The following TMCC3 variants were observed in gnomAD, a reference collection of about 807,000 sequenced individuals.
TMCC3 encodes transmembrane and coiled-coil domain family 3.
In TMCC3, 28 loss-of-function variants were observed where a neutral mutation model predicts 40.2. The observed-to-expected ratio is 0.70, with a 90% CI of 0.52 to 0.95. The LOEUF (loss-of-function observed/expected upper bound fraction) is 0.95, where lower values mean the gene tolerates loss of function less well. Among genes scored for constraint, TMCC3 ranks in the 40% least tolerant of loss-of-function variants. TMCC3 has a pLI of 0.00. For synonymous variants in TMCC3, 255 were observed against 248.5 expected, an observed-to-expected ratio of 1.03 and a Z score of -0.25; for missense variants, 554 against 615.2, an observed-to-expected ratio of 0.90 and a Z score of 1.05.
chr12:94,632,271 T>A (rs778673278), intron 1 of TMCC3, among the ~76,000 whole-genome samples: 6 of 152,214 alleles, frequency 3.9e-5, no homozygotes, highest in Non-Finnish European at 7.3e-5. Context: ...GACTGTGCAC[T>A]TAAAGCAGGA....
chr12:94,648,516 C>A (rs1002181084), intron 1 of TMCC3, among the ~76,000 whole-genome samples: 2 of 152,170 alleles, frequency 1.3e-5, no homozygotes, highest in Non-Finnish European at 2.9e-5. Context: ...TGAGCCACCG[C>A]CCCCGGCCCG....
chr12:94,578,592 T>G (rs972136565), intron 2 of TMCC3, 63 bp from the exon 3 acceptor site: 2 of 1,540,676 alleles, frequency 1.3e-6, no homozygotes, highest in Non-Finnish European at 1.8e-6. Context: ...AACGATGTCC[T>G]TTTTATCTTC....
At chr12:94,634,918 C>G (rs187172130) in intron 1 of TMCC3, among the ~76,000 whole-genome samples, 208 of 152,320 alleles carry the variant, frequency 1.4e-3, no homozygotes, top group African/African-American at 4.9e-3. Context: ...AATGAAAGCA[C>G]ATGTAAATAG....
At chr12:94,610,126 C>A (rs1430640593) in intron 1 of TMCC3, 1 of 152,072 alleles carries the variant, frequency 6.6e-6, no homozygotes, top group Non-Finnish European at 1.5e-5. Context: ...TATTATGCAA[C>A]GACCTACTCT....
rs552429689 is a variant in TMCC3, at chr12:94,616,131, C to T, written c.79-33593G>A. 9.2e-6 allele frequency: 9 copies of T among 982,428 alleles called. No individual in the cohort carries two copies. In the East Asian group the frequency reaches 4.5e-4, roughly 50 times the overall value. The allele number at this position is 982,428 out of a possible 1,614,324, so 60.9% of individuals were successfully genotyped here. On this transcript the variant is annotated intron_variant, in intron 1 of 3. Transcript: ENST00000261226. The stretch of plus-strand genomic sequence containing the variant: ...GAGAAACTCCACGCCCTGCACTGTA[C>T]CCAATACAAATGTCAGTAATAATGC...
intron 1 of TMCC3, among the ~76,000 whole-genome samples, chr12:94,596,931 CTG>C (rs2068718338): frequency 6.6e-6 from 1 of 151,900 alleles, no homozygotes; most frequent in South Asian, 2.1e-4. Flanking sequence ...AAATAGGAAA[CTG>C]ATGTTTCATG....
intron 1 of TMCC3, among the ~76,000 whole-genome samples, chr12:94,599,230 T>G (rs1367296970): frequency 6.6e-6 from 1 of 152,212 alleles, no homozygotes; most frequent in African/African-American, 2.4e-5. Context: ...TGATAGGGTC[T>G]TGTACAGAGT....
intron 1 of TMCC3, among the ~76,000 whole-genome samples, chr12:94,646,980 T>A (rs2069023256): frequency 6.6e-6 from 1 of 151,970 alleles, no homozygotes; most frequent in Non-Finnish European, 1.5e-5. Context: ...TTTAGAACAC[T>A]TAAAATGAAA....
At chr12:94,626,747 C>T (rs1196987949) in intron 1 of TMCC3, among the ~76,000 whole-genome samples, 1 of 152,198 alleles carries the variant, frequency 6.6e-6, no homozygotes, top group Non-Finnish European at 1.5e-5. Flanking sequence ...CAGGTATGAA[C>T]TGAGAAAGGG....
intron 1 of TMCC3, among the ~76,000 whole-genome samples, chr12:94,633,352 T>C (rs555014897): frequency 6.6e-6 from 1 of 152,330 alleles, no homozygotes; most frequent in South Asian, 2.1e-4. Context: ...CATTTATTTC[T>C]TAAAAACAAG....
rs1469269405 is a variant in TMCC3 at position 94,569,219 on chromosome 12, G to C, written c.*2216C>G. ...GCTTGGAAAGATTCACAGATACCAA[G>C]AGGGGCCCACCCAGGCCCCAGCTTG... On this transcript the variant is annotated 3_prime_UTR_variant, in exon 4 of 4. Transcript: ENST00000261226. 2 of 152,292 alleles carry C rather than the reference G, an allele frequency of 1.3e-5. No homozygotes were observed. Among genetic ancestry groups the C allele is most frequent in the East Asian group, 1.9e-4 (1 of 5,200 alleles). The allele number at this position is 152,292 out of a possible 1,614,324, so 9.4% of individuals were successfully genotyped here. A position where few individuals can be genotyped will look rare whatever the true frequency, so the allele number is the denominator to read the frequency against.
chr12:94,645,613 T>C (rs1006446827), intron 1 of TMCC3, among the ~76,000 whole-genome samples: 4 of 152,174 alleles, frequency 2.6e-5, no homozygotes, highest in African/African-American at 7.2e-5. Context: ...AATTTTTTTG[T>C]ATTTTTAGTA....
At chr12:94,622,773 C>A (rs2068882542) in intron 1 of TMCC3, among the ~76,000 whole-genome samples, 1 of 151,666 alleles carries the variant, frequency 6.6e-6, no homozygotes, top group Non-Finnish European at 1.5e-5. Context: ...TATGACTTCC[C>A]TGCAGATATA....
chr12:94,612,415 A>G (rs996236628), intron 1 of TMCC3, among the ~76,000 whole-genome samples: 3 of 151,616 alleles, frequency 2.0e-5, no homozygotes, highest in African/African-American at 7.3e-5. Context: ...AGTCCAAGTG[A>G]TTCTCCTGCC....
chr12:94,570,467 C>CA lies in TMCC3; in HGVS notation c.*967dup. ...GGGGCTTATCACAATCAAGATTTGC[C>CA]AAAAAACAGCCAGGCATGGTGGCTT... On this transcript the variant is annotated 3_prime_UTR_variant, in exon 4 of 4. Transcript: ENST00000261226. The CA allele has an allele frequency of 6.6e-6, 1 of 152,212 alleles. No individual in the cohort carries two copies. The allele number at this position is 152,212 out of a possible 1,614,324, so 9.4% of individuals were successfully genotyped here.
At chr12:94,593,353 T>A in intron 1 of TMCC3, among the ~76,000 whole-genome samples, 1 of 122,014 alleles carries the variant, frequency 8.2e-6, no homozygotes. Context: ...GACAACAGGC[T>A]CCATCTAAAA....
intron 1 of TMCC3, among the ~76,000 whole-genome samples, chr12:94,622,250 C>T (rs1257149253): frequency 6.6e-6 from 1 of 152,174 alleles, no homozygotes. Flanking sequence ...ACCAAACCCC[C>T]CAAGCTTGGA....
chr12:94,609,546 C>T (rs994212644), intron 1 of TMCC3, among the ~76,000 whole-genome samples: 4 of 152,210 alleles, frequency 2.6e-5, no homozygotes, highest in Non-Finnish European at 2.9e-5. Context: ...CTCATATTAA[C>T]AGTCTCTTGA....
rs772616886 is a variant in TMCC3 at position 94,599,564 on chromosome 12, C to CACA, written c.79-17027_79-17026insTGT. Among the ~76,000 whole-genome samples the CACA allele has an allele frequency of 3.9e-3, 537 of 139,474 alleles. 5 individuals are homozygous for CACA. The highest frequency in any genetic ancestry group is 0.013 in the South Asian group (54 of 4,146). 91.5% of individuals were successfully genotyped at this position (139,474 alleles called of 152,430 possible). On this transcript the variant is annotated intron_variant, in intron 1 of 3. Transcript: ENST00000261226. ...GATAATTTTTAAAAGATACCCCCCC[C>CACA]CCCGCCCACACACACACACAAGCCT...
Sources: gnomAD v4.1 joint callset for allele counts (sites outside exome capture counted in the v4.1 genomes callset) on GRCh38, gnomAD v4.1.1 for gene constraint, MANE v1.5 for transcripts, NCBI Gene and HGNC (gene_info 2026-07-23, HGNC 2026-07-21) for gene names.